The following PCDH9 variants were observed in gnomAD, a reference collection of about 807,000 sequenced individuals.
The protein encoded by PCDH9 is protocadherin 9, also known as protocadherin-9.
A neutral mutation model predicts 70.6 loss-of-function variants in PCDH9; 24 were observed. The ratio of observed to expected loss-of-function variants is 0.34; its 90% CI spans 0.25 to 0.48. PCDH9 has a LOEUF of 0.48. Ranked by LOEUF, PCDH9 falls within the 20% of genes least tolerant of loss-of-function variation. The pLI is 0.99. For missense variants in PCDH9, 1,281 were observed against 1,503.6 expected (o/e 0.85, Z 2.45); for synonymous variants, 562 against 558.5 (o/e 1.01, Z -0.09).
At chr13:66,443,009 A>G (rs1276364081) in intron 4 of PCDH9, among the ~76,000 whole-genome samples, 3 of 152,220 alleles carry the variant, frequency 2.0e-5, no homozygotes, top group African/African-American at 7.2e-5. Flanking sequence ...GGGCAAGCCA[A>G]AAATACATGG....
At chr13:66,900,522 T>C (rs1426767856) in intron 3 of PCDH9, among the ~76,000 whole-genome samples, 1 of 151,846 alleles carries the variant, frequency 6.6e-6, no homozygotes, top group Non-Finnish European at 1.5e-5. Context: ...TTATAATGCA[T>C]ATGACGTGCT....
intron 3 of PCDH9, among the ~76,000 whole-genome samples, chr13:66,683,396 G>A (rs2078355471): frequency 1.3e-5 from 2 of 152,110 alleles, no homozygotes; most frequent in South Asian, 4.1e-4. Flanking sequence ...GCAACATTGA[G>A]AGAAATGTTC....
At chr13:66,732,815 T>C (rs911608470) in intron 3 of PCDH9, among the ~76,000 whole-genome samples, 3 of 151,960 alleles carry the variant, frequency 2.0e-5, no homozygotes, top group African/African-American at 7.2e-5. Flanking sequence ...TCTCACAACT[T>C]CAAAATATTC....
intron 2 of PCDH9, among the ~76,000 whole-genome samples, chr13:66,953,171 T>A (rs908007229): frequency 6.6e-6 from 1 of 152,116 alleles, no homozygotes; most frequent in Admixed American, 6.6e-5. Context: ...AACATACATA[T>A]ATAAACACAT....
chr13:66,813,403 T>C (rs1714589876), intron 3 of PCDH9, among the ~76,000 whole-genome samples: 1 of 151,590 alleles, frequency 6.6e-6, no homozygotes, highest in Admixed American at 6.6e-5. Context: ...ACTCAAATAT[T>C]TGTTGAATGT....
intron 4 of PCDH9, among the ~76,000 whole-genome samples, chr13:66,520,114 C>G (rs1959921040): frequency 6.6e-6 from 1 of 152,072 alleles, no homozygotes; most frequent in South Asian, 2.1e-4. Context: ...GCAGGGCTCT[C>G]TGTGGCTTAA....
Position 67,125,351 on chromosome 13 carries a change from C to A in PCDH9, c.3036+100054G>T, listed in dbSNP as rs1213907619. ...AAACATAATAAAGGTTATTAAGGAA[C>A]AAATCCCCCAGATCCACTCTGTGTA... On this transcript the variant is annotated intron_variant, in intron 2 of 4. Transcript: ENST00000377865. Among the ~76,000 whole-genome samples, 2 of 152,116 alleles carry A rather than the reference C, an allele frequency of 1.3e-5. 1 individual carries two copies. Among genetic ancestry groups the A allele is most frequent in the Admixed American group, 1.3e-4 (2 of 15,258 alleles).
At chr13:66,508,853 GGA>G (rs1206480438) in intron 4 of PCDH9, among the ~76,000 whole-genome samples, 1 of 152,122 alleles carries the variant, frequency 6.6e-6, no homozygotes, top group Non-Finnish European at 1.5e-5. Context: ...AAATTCTTGG[GGA>G]GGTAGTAGAG....
chr13:66,633,779 A>C (rs2077602511), intron 3 of PCDH9, among the ~76,000 whole-genome samples: 1 of 151,926 alleles, frequency 6.6e-6, no homozygotes. Flanking sequence ...GACAGAAGTA[A>C]AAAAGAAAAA....
intron 3 of PCDH9, among the ~76,000 whole-genome samples, chr13:66,755,423 A>G (rs148632957): frequency 6.6e-6 from 1 of 152,294 alleles, no homozygotes; most frequent in East Asian, 1.9e-4. Context: ...TTTCGTTGAA[A>G]TAAAGCAGTG....
intron 3 of PCDH9, among the ~76,000 whole-genome samples, chr13:66,637,964 T>G (rs1824670607): frequency 6.6e-6 from 1 of 152,134 alleles, no homozygotes; most frequent in Non-Finnish European, 1.5e-5. Flanking sequence ...TTACATTTTT[T>G]TAGACAAGGA....
At chr13:66,757,181 G>A (rs1409896244) in intron 3 of PCDH9, among the ~76,000 whole-genome samples, 2 of 152,056 alleles carry the variant, frequency 1.3e-5, no homozygotes, top group South Asian at 2.1e-4. Context: ...TGCGGTCTTC[G>A]GTGCTCTGTC....
intron 2 of PCDH9, among the ~76,000 whole-genome samples, chr13:67,164,813 C>G (rs1234532768): frequency 1.3e-5 from 2 of 152,122 alleles, no homozygotes; most frequent in African/African-American, 4.8e-5. Flanking sequence ...CTCAGATCTT[C>G]CCTGACCATC....
At chr13:67,070,361 T>C (rs537898452) in intron 2 of PCDH9, among the ~76,000 whole-genome samples, 1 of 152,262 alleles carries the variant, frequency 6.6e-6, no homozygotes, top group South Asian at 2.1e-4. Context: ...TTCATTTAAA[T>C]CTGTCAACAG....
intron 2 of PCDH9, among the ~76,000 whole-genome samples, chr13:66,918,847 T>G (rs182300412): frequency 3.1e-4 from 47 of 151,420 alleles, no homozygotes; most frequent in African/African-American, 1.1e-3. Context: ...ACTTGTGCTT[T>G]CAACCTTTGG....
intron 2 of PCDH9, among the ~76,000 whole-genome samples, chr13:67,027,619 G>A (rs1350695736): frequency 6.6e-6 from 1 of 150,470 alleles, no homozygotes; most frequent in South Asian, 2.1e-4. Context: ...ACTACCATCA[G>A]AGTGAACAGG....
intron 2 of PCDH9, among the ~76,000 whole-genome samples, chr13:67,065,456 T>G (rs892323278): frequency 6.6e-6 from 1 of 152,164 alleles, no homozygotes; most frequent in Non-Finnish European, 1.5e-5. Context: ...AAACTTCAAC[T>G]GCAGTAAAAC....
At chr13:66,559,122 A>G (rs1321515791) in intron 4 of PCDH9, among the ~76,000 whole-genome samples, 1 of 152,194 alleles carries the variant, frequency 6.6e-6, no homozygotes, top group Non-Finnish European at 1.5e-5. Context: ...ATTACCTTCA[A>G]TAGAAACCAG....
intron 3 of PCDH9, among the ~76,000 whole-genome samples, chr13:66,794,977 G>GCACACACACACACACACA (rs71107002): frequency 3.4e-5 from 5 of 147,286 alleles, no homozygotes; most frequent in Non-Finnish European, 7.5e-5. Context: ...ACACACACAG[G>GCACACACACACACACACA]CACACACACA....
Sources: gnomAD v4.1 joint callset for allele counts (sites outside exome capture counted in the v4.1 genomes callset) on GRCh38, gnomAD v4.1.1 for gene constraint, MANE v1.5 for transcripts, NCBI Gene and HGNC (gene_info 2026-07-23, HGNC 2026-07-21) for gene names.